The following PTPRN2 variants were observed in gnomAD, a reference collection of about 807,000 sequenced individuals.
PTPRN2 encodes receptor-type tyrosine-protein phosphatase N2.
In PTPRN2, 74 loss-of-function variants were observed where a neutral mutation model predicts 118.8. The ratio of observed to expected loss-of-function variants is 0.62; its 90% CI spans 0.52 to 0.76. The LOEUF (loss-of-function observed/expected upper bound fraction) is 0.76, where lower values mean the gene tolerates loss of function less well. PTPRN2 is among the 30% of genes least tolerant of loss of function. PTPRN2 has a pLI of 0.00. For synonymous variants in PTPRN2, 641 were observed against 608.0 expected (o/e 1.05, Z -0.80); for missense variants, 1,481 against 1,394.4 (o/e 1.06, Z -0.99).
chr7:157,543,185 A>G (rs1042502487), intron 22 of PTPRN2, among the ~76,000 whole-genome samples: 1 of 152,362 alleles, frequency 6.6e-6, no homozygotes, highest in South Asian at 2.1e-4. Context: ...TCTGAGTGCC[A>G]GCAGTCTGAA....
chr7:157,541,706 T>C (rs1027659626), intron 22 of PTPRN2, among the ~76,000 whole-genome samples: 2 of 152,226 alleles, frequency 1.3e-5, no homozygotes, highest in African/African-American at 4.8e-5. Context: ...GAAAGCCCTG[T>C]TGACAGCTCC....
intron 12 of PTPRN2, among the ~76,000 whole-genome samples, chr7:157,700,174 A>T (rs1315827252): frequency 6.6e-6 from 1 of 152,056 alleles, no homozygotes; most frequent in Non-Finnish European, 1.5e-5. Flanking sequence ...CCACACCTTA[A>T]CCTCATCACT....
At chr7:157,792,417 C>A (rs1416545232) in intron 12 of PTPRN2, among the ~76,000 whole-genome samples, 1 of 152,256 alleles carries the variant, frequency 6.6e-6, no homozygotes, top group Non-Finnish European at 1.5e-5. Context: ...CATTAGCCAG[C>A]AGTGGAGAGA....
intron 3 of PTPRN2, among the ~76,000 whole-genome samples, chr7:158,270,761 GACCACCCC>G (rs1798276899): frequency 1.4e-5 from 2 of 146,574 alleles, no homozygotes; most frequent in Non-Finnish European, 3.0e-5. Flanking sequence ...TCTCCACCTG[GACCACCCC>G]GTCCACCTGG....
At chr7:158,380,404 C>T (rs887798140) in intron 2 of PTPRN2, among the ~76,000 whole-genome samples, 1 of 152,182 alleles carries the variant, frequency 6.6e-6, no homozygotes, top group Admixed American at 6.5e-5. Flanking sequence ...GCTACAGGCC[C>T]CACGCAAGTC....
At chr7:158,479,737 C>T (rs1820528460) in intron 2 of PTPRN2, among the ~76,000 whole-genome samples, 1 of 152,220 alleles carries the variant, frequency 6.6e-6, no homozygotes, top group Non-Finnish European at 1.5e-5. Flanking sequence ...CAGGTCCTGG[C>T]TGCTGCCTGT....
chr7:158,070,962 G>T (rs1234910734), intron 11 of PTPRN2, among the ~76,000 whole-genome samples: 1 of 106,410 alleles, frequency 9.4e-6, no homozygotes, highest in Admixed American at 8.7e-5. Context: ...GGTGGTGGAG[G>T]TGCTCACGGT....
At chr7:158,280,636 C>T (rs756779835) in intron 3 of PTPRN2, among the ~76,000 whole-genome samples, 5 of 152,326 alleles carry the variant, frequency 3.3e-5, no homozygotes, top group Admixed American at 1.3e-4. Context: ...CTGGGGGAGC[C>T]GGACGGGTGC....
chr7:158,336,468 C>T (rs1805555508), intron 2 of PTPRN2, among the ~76,000 whole-genome samples: 1 of 131,462 alleles, frequency 7.6e-6, no homozygotes, highest in Non-Finnish European at 1.7e-5. Flanking sequence ...CACACCCACA[C>T]TCTCACCATA....
chr7:157,927,352 G>C (rs1466844752), intron 11 of PTPRN2, among the ~76,000 whole-genome samples: 12 of 79,052 alleles, frequency 1.5e-4, no homozygotes, highest in African/African-American at 5.0e-4. Flanking sequence ...ACCCGTCTGA[G>C]AGCAGAGACC....
At chr7:158,098,762 G>A (rs890600378) in intron 10 of PTPRN2, among the ~76,000 whole-genome samples, 3 of 152,158 alleles carry the variant, frequency 2.0e-5, no homozygotes, top group African/African-American at 4.8e-5. Flanking sequence ...TTATGGGAGA[G>A]GAGTGGGAGA....
chr7:158,156,058 G>A (rs911636345), intron 6 of PTPRN2, among the ~76,000 whole-genome samples: 1 of 152,160 alleles, frequency 6.6e-6, no homozygotes, highest in African/African-American at 2.4e-5. Flanking sequence ...AATATATTCT[G>A]CTTCCAATAT....
chr7:157,991,933 G>A (rs1372638588), intron 11 of PTPRN2, among the ~76,000 whole-genome samples: 2 of 151,974 alleles, frequency 1.3e-5, no homozygotes. Flanking sequence ...CGTGCCCCTC[G>A]CAGGCCTGCA....
chr7:157,639,229 G>A (rs189095101), intron 14 of PTPRN2, among the ~76,000 whole-genome samples: 149 of 152,218 alleles, frequency 9.8e-4, no homozygotes, highest in Admixed American at 2.2e-3. Context: ...TAGAGATGGG[G>A]TTTCGCCTGT....
At chr7:157,668,526 G>A (rs191573314) in intron 13 of PTPRN2, among the ~76,000 whole-genome samples, 1 of 152,326 alleles carries the variant, frequency 6.6e-6, no homozygotes, top group Admixed American at 6.5e-5. Flanking sequence ...AAGCTGGGCA[G>A]GAAAAAGTGG....
intron 9 of PTPRN2, among the ~76,000 whole-genome samples, chr7:158,119,939 T>C (rs1817022456): frequency 6.6e-6 from 1 of 151,988 alleles, no homozygotes; most frequent in Non-Finnish European, 1.5e-5. Flanking sequence ...CACTAAAGCA[T>C]GGGGGCAACT....
intron 12 of PTPRN2, 92 bp downstream of exon 12, chr7:157,898,581 C>T (rs1797263469): frequency 1.6e-6 from 2 of 1,288,830 alleles, no homozygotes; most frequent in African/African-American, 2.9e-5. Flanking sequence ...GCTGAATTAA[C>T]CTGCAGGTCC....
At chr7:158,326,314 T>C (rs1586269851) in intron 2 of PTPRN2, among the ~76,000 whole-genome samples, 1 of 152,336 alleles carries the variant, frequency 6.6e-6, no homozygotes, top group East Asian at 1.9e-4. Flanking sequence ...GTGCCAGTTC[T>C]TCATCCGAGA....
intron 11 of PTPRN2, among the ~76,000 whole-genome samples, chr7:157,993,900 G>C (rs540946628): frequency 1.3e-5 from 2 of 152,262 alleles, no homozygotes; most frequent in South Asian, 4.1e-4. Context: ...GGGGGTCAGT[G>C]GCCCCCCATG....
Sources: gnomAD v4.1 joint callset for allele counts (sites outside exome capture counted in the v4.1 genomes callset) on GRCh38, gnomAD v4.1.1 for gene constraint, MANE v1.5 for transcripts, NCBI Gene and HGNC (gene_info 2026-07-23, HGNC 2026-07-21) for gene names.